The following SRPK1 variants were observed in gnomAD, a reference collection of about 807,000 sequenced individuals.
The protein encoded by SRPK1 is SFRS protein kinase 1.
A neutral mutation model predicts 89.5 loss-of-function variants in SRPK1; 52 were observed. The observed-to-expected ratio is 0.58, with a 90% confidence interval of 0.46 to 0.73. SRPK1 has a LOEUF of 0.73. Among genes scored for constraint, SRPK1 ranks in the 30% least tolerant of loss-of-function variants. The pLI is 0.00. For missense variants in SRPK1, 603 were observed against 780.6 expected (o/e 0.77, Z 2.71); for synonymous variants, 255 against 270.2 (o/e 0.94, Z 0.55).
At chr6:35,869,352 C>T in intron 11 of SRPK1, 130 bp downstream of exon 11, 2 of 1,160,540 alleles carry the variant, frequency 1.7e-6, no homozygotes, top group East Asian at 2.4e-5. Context: ...CTACAGATTA[C>T]AATTTAAACG....
intron 13 of SRPK1, among the ~76,000 whole-genome samples, chr6:35,849,039 T>C (rs9462132): frequency 0.32 from 47,925 of 151,902 alleles, 7,793 homozygotes; most frequent in South Asian, 0.42. Context: ...GAAACAATAG[T>C]GTGAAGAGAT....
chr6:35,897,974 G>GT (rs1248293679), intron 2 of SRPK1, among the ~76,000 whole-genome samples: 2 of 152,198 alleles, frequency 1.3e-5, no homozygotes, highest in Admixed American at 6.5e-5. Context: ...GGTAAAACCT[G>GT]TAATTGCTAA....
intron 2 of SRPK1, among the ~76,000 whole-genome samples, chr6:35,915,711 G>A (rs11752499): frequency 2.4e-3 from 368 of 151,946 alleles, no homozygotes; most frequent in Non-Finnish European, 3.7e-3. Flanking sequence ...GGTGGCTCAC[G>A]CCTGTAAGCC....
At chr6:35,847,369 C>T (rs1256464874) in intron 13 of SRPK1, among the ~76,000 whole-genome samples, 1 of 151,840 alleles carries the variant, frequency 6.6e-6, no homozygotes, top group Non-Finnish European at 1.5e-5. Context: ...CCACATCTGG[C>T]TAATTTTTTC....
At chr6:35,875,005 G>C (rs1242155281) in intron 6 of SRPK1, among the ~76,000 whole-genome samples, 4 of 152,120 alleles carry the variant, frequency 2.6e-5, no homozygotes, top group Non-Finnish European at 5.9e-5. Flanking sequence ...GTAGTATCTT[G>C]ATGTCTTCCA....
intron 12 of SRPK1, 40 bp from the exon 13 acceptor site, chr6:35,857,408 A>G: frequency 6.8e-7 from 1 of 1,469,216 alleles, no homozygotes; most frequent in South Asian, 1.2e-5. Context: ...ACTTCATTCT[A>G]AAAAGTAACA....
chr6:35,873,617 G>A (rs1462844219), intron 7 of SRPK1, among the ~76,000 whole-genome samples: 2 of 151,570 alleles, frequency 1.3e-5, no homozygotes, highest in African/African-American at 2.4e-5. Flanking sequence ...AGCCTGCCGA[G>A]TAGCTGGGAT....
intron 15 of SRPK1, among the ~76,000 whole-genome samples, chr6:35,835,855 C>T (rs1039115843): frequency 9.2e-5 from 14 of 151,832 alleles, no homozygotes; most frequent in African/African-American, 2.9e-4. Flanking sequence ...TACCACATAC[C>T]GAGAATAATT....
intron 6 of SRPK1, among the ~76,000 whole-genome samples, chr6:35,884,771 C>A (rs1007138749): frequency 2.0e-5 from 3 of 152,054 alleles, no homozygotes; most frequent in African/African-American, 7.2e-5. Context: ...GAGGCCGAGG[C>A]GGGCAGATCA....
At chr6:35,854,250 C>A (rs1378708524) in intron 13 of SRPK1, among the ~76,000 whole-genome samples, 2 of 152,058 alleles carry the variant, frequency 1.3e-5, no homozygotes, top group Non-Finnish European at 2.9e-5. Context: ...TACACCTGGG[C>A]CCCCTTTTCC....
chr6:35,841,315 A>G (rs750267604), intron 14 of SRPK1, among the ~76,000 whole-genome samples: 13 of 152,220 alleles, frequency 8.5e-5, no homozygotes, highest in Non-Finnish European at 1.8e-4. Context: ...TAGGAATATT[A>G]GCAGGTCCTA....
In SRPK1 at chr6:35,889,847, C is replaced by T. The variant is rs563055720; in HGVS notation, c.194-924G>A. 1.5e-3 allele frequency among the ~76,000 whole-genome samples: 220 copies of T among 150,444 alleles called. 3 individuals carry two copies. Among genetic ancestry groups the T allele is most frequent in the African/African-American group, 5.0e-3 (204 of 40,916 alleles). On this transcript the variant is annotated intron_variant, in intron 3 of 15. Transcript: ENST00000373825. ...GGCGCGGTGGCTCACCCCTGTAATCCCAGCACTTTGGGAGGCTGAGGCAGA... is the reference window on the plus strand; with the variant it reads ...GGCGCGGTGGCTCACCCCTGTAATCTCAGCACTTTGGGAGGCTGAGGCAGA...
At chr6:35,905,388 A>T (rs1326246214) in intron 2 of SRPK1, among the ~76,000 whole-genome samples, 1 of 152,192 alleles carries the variant, frequency 6.6e-6, no homozygotes. Flanking sequence ...TATGCTTCAT[A>T]AGCCATATTC....
chr6:35,899,973 T>C (rs926385538), intron 2 of SRPK1, among the ~76,000 whole-genome samples: 4 of 149,754 alleles, frequency 2.7e-5, no homozygotes, highest in African/African-American at 9.9e-5. Flanking sequence ...TACATTCCAG[T>C]CTGGGCGACA....
intron 2 of SRPK1, among the ~76,000 whole-genome samples, chr6:35,903,037 G>A (rs1443940898): frequency 6.6e-6 from 1 of 152,014 alleles, no homozygotes; most frequent in African/African-American, 2.4e-5. Context: ...CCAGCACTTT[G>A]GGACGCCAAG....
chr6:35,852,505 T>C (rs997421362), intron 13 of SRPK1, among the ~76,000 whole-genome samples: 1 of 152,208 alleles, frequency 6.6e-6, no homozygotes, highest in African/African-American at 2.4e-5. Flanking sequence ...GAACTCAAAA[T>C]ATTACTTACT....
At chr6:35,851,284 C>T (rs189498699) in intron 13 of SRPK1, among the ~76,000 whole-genome samples, 6 of 151,696 alleles carry the variant, frequency 4.0e-5, no homozygotes, top group East Asian at 3.9e-4. Flanking sequence ...TAGCGATTCT[C>T]GTGCCTCAGC....
chr6:35,917,531 A>T (rs1236508228), intron 2 of SRPK1, among the ~76,000 whole-genome samples: 1 of 152,250 alleles, frequency 6.6e-6, no homozygotes, highest in East Asian at 1.9e-4. Context: ...TTGTCTAAAT[A>T]AGAAAATTTA....
At chr6:35,846,498 G>A (rs9296167) in intron 13 of SRPK1, among the ~76,000 whole-genome samples, 3,101 of 149,168 alleles carry the variant, frequency 0.021, 122 homozygotes, top group African/African-American at 0.072. Flanking sequence ...AGGGTGAGCC[G>A]AGATTGTACT....
Sources: allele counts gnomAD v4.1 joint callset (sites outside exome capture counted in the v4.1 genomes callset), GRCh38; gene constraint gnomAD v4.1.1; transcripts MANE v1.5; gene names NCBI Gene and HGNC (gene_info 2026-07-23, HGNC 2026-07-21).